Variants in EGLN1 observed in about 807,000 individuals in gnomAD.
EGLN1 encodes egl nine homolog 1.
In EGLN1, 17 loss-of-function variants were observed where a neutral mutation model predicts 38.3. The observed-to-expected ratio is 0.44, with a 90% CI of 0.30 to 0.67. The LOEUF is 0.67. Among genes scored for constraint, EGLN1 ranks in the 30% least tolerant of loss-of-function variants. The pLI is 0.08. For synonymous variants in EGLN1, 283 were observed against 257.5 expected, an observed-to-expected ratio of 1.10 and a Z score of -0.95; for missense variants, 477 against 603.3, an observed-to-expected ratio of 0.79 and a Z score of 2.19.
intron 1 of EGLN1, among the ~76,000 whole-genome samples, chr1:231,407,101 G>A (rs920176155): frequency 6.6e-6 from 1 of 152,096 alleles, no homozygotes; most frequent in African/African-American, 2.4e-5. Flanking sequence ...AAACTGGCAG[G>A]TCAAACTGCC....
In EGLN1 at chr1:231,421,178, G is replaced by A. The variant is rs989866111; in HGVS notation, c.711C>T (p.Asp237=). ...RALHDTGKFT[D]GQLVSQKSDS... ...CACTCTTCTGGCTGACCAGCTGCCC[G>A]TCCGTGAACTTCCCGGTGTCGTGCA... The change falls in exon 1 of 5, where the codon GAC becomes GAT. Residue 237 remains aspartate (D), a synonymous_variant. Coordinates refer to ENST00000366641, the MANE Select transcript of EGLN1 (RefSeq NM_022051.3). The surrounding 1 kb of genome is among the most constrained non-coding windows in gnomAD (Gnocchi z 5.5). 8 of 1,614,050 alleles carry A rather than the reference G, an allele frequency of 5.0e-6. No individual in the cohort carries two copies. Among genetic ancestry groups the A allele is most frequent in the Admixed American group, 3.3e-5 (2 of 60,010 alleles).
rs574674763 is a variant in EGLN1 at position 231,406,443 on chromosome 1, T to C, written c.891+14555A>G. ...CTCCAGAGAAGACATTATCACTATA[T>C]GGTAGTTTCCATCCTGGTATATACC... is the stretch of plus-strand genomic sequence containing the variant. On this transcript the variant is annotated intron_variant, in intron 1 of 4. Coordinates refer to ENST00000366641, the MANE Select transcript of EGLN1 (RefSeq NM_022051.3). 1.9e-4 allele frequency among the ~76,000 whole-genome samples: 29 copies of C among 152,200 alleles called. No homozygotes were observed. In the East Asian group the frequency reaches 5.5e-3, roughly 29 times the overall value.
rs1174601583 is a variant in EGLN1, at chr1:231,365,240, A to T, written c.*1171T>A. The T allele has an allele frequency of 6.6e-6, 1 of 152,210 alleles. No individual in the cohort carries two copies. The highest frequency in any genetic ancestry group is 2.4e-5 in the African/African-American group (1 of 41,446). The allele number at this position is 152,210 out of a possible 1,614,324, so 9.4% of individuals were successfully genotyped here. A position where few individuals can be genotyped will look rare whatever the true frequency, so the allele number is the denominator to read the frequency against. On this transcript the variant is annotated 3_prime_UTR_variant, in exon 5 of 5. Transcript: ENST00000366641. ...ATCACAGTATTAGGAAAAAAACATA[A>T]CAGCAAATTTGGAAGTACAATCAAT...
chr1:231,376,440 A>C (rs1687959641), intron 1 of EGLN1, among the ~76,000 whole-genome samples: 2 of 152,226 alleles, frequency 1.3e-5, no homozygotes, highest in Non-Finnish European at 2.9e-5. Flanking sequence ...CCAAAGTGCA[A>C]GAGTAGCGAT....
rs763284659 is a variant in EGLN1, at chr1:231,391,092, TTGTGTGTGTGTGTGTG to T, written c.892-17009_892-16994del. On this transcript the variant is annotated intron_variant, in intron 1 of 4. Coordinates refer to ENST00000366641, the MANE Select transcript of EGLN1 (RefSeq NM_022051.3). ...ACAGGGAACTCATTCTGTTTTTTTT[TTGTGTGTGTGTGTGTG>T]TGTGTGTGTGTGTGTGTGTGTGTGT... Among the ~76,000 whole-genome samples the T allele has an allele frequency of 1.6e-4, 11 of 67,366 alleles. No homozygotes were observed. In the South Asian group the frequency reaches 4.4e-3, roughly 27 times the overall value. The allele number at this position is 67,366 out of a possible 152,430, so 44.2% of individuals were successfully genotyped here.
chr1:231,391,143 A>G (rs1688372291), intron 1 of EGLN1, among the ~76,000 whole-genome samples: 2 of 147,966 alleles, frequency 1.4e-5, no homozygotes, highest in African/African-American at 5.2e-5. Flanking sequence ...TGAGACAGGG[A>G]ACTCATTCTG....
intron 1 of EGLN1, among the ~76,000 whole-genome samples, chr1:231,402,680 C>T (rs990672547): frequency 4.6e-5 from 7 of 152,062 alleles, no homozygotes; most frequent in Admixed American, 6.6e-5. Context: ...AGTGATCTGC[C>T]GGCCTCGGCC....
At chr1:231,408,704 A>C (rs1487359428) in intron 1 of EGLN1, among the ~76,000 whole-genome samples, 1 of 152,136 alleles carries the variant, frequency 6.6e-6, no homozygotes, top group Admixed American at 6.5e-5. Flanking sequence ...CAAGTGGCTC[A>C]CTATAGTAGA....
intron 1 of EGLN1, among the ~76,000 whole-genome samples, chr1:231,391,720 G>A (rs1457163806): frequency 6.6e-6 from 1 of 151,918 alleles, no homozygotes; most frequent in African/African-American, 2.4e-5. Context: ...GACAACCTCA[G>A]AATAAATTAT....
In EGLN1 at chr1:231,367,573, T is replaced by C; in HGVS notation, c.1212A>G (p.Leu404=). 1 of 1,614,066 alleles carries C rather than the reference T, an allele frequency of 6.2e-7. No individual in the cohort carries two copies. Among genetic ancestry groups the C allele is most frequent in the African/African-American group, 1.3e-5 (1 of 75,058 alleles). ...DERARAKVKY[L]TGEKGVRVEL... ...CTGGCCCCAAATGACGTTTACCTGTTAGATATTTTACTTTAGCTCGTGCTC... is the reference window on the plus strand; with the variant it reads ...CTGGCCCCAAATGACGTTTACCTGTCAGATATTTTACTTTAGCTCGTGCTC... The change falls in exon 4 of 5, where the codon CTA becomes CTG. Residue 404 remains leucine, a synonymous_variant. Transcript: ENST00000366641.
At chr1:231,412,864 CT>C (rs1261286091) in intron 1 of EGLN1, among the ~76,000 whole-genome samples, 1 of 152,144 alleles carries the variant, frequency 6.6e-6, no homozygotes, top group Admixed American at 6.6e-5. Flanking sequence ...CAATAATTTC[CT>C]TCCAATCGCT....
At chr1:231,388,352 G>A (rs1340630198) in intron 1 of EGLN1, among the ~76,000 whole-genome samples, 1 of 152,092 alleles carries the variant, frequency 6.6e-6, no homozygotes, top group African/African-American at 2.4e-5. Flanking sequence ...TTGATAAGAC[G>A]GTGAAATGTG....
At position 231,421,270 on chromosome 1, in the gene EGLN1, T is replaced by C. The variant is rs760962608; in HGVS notation, c.619A>G (p.Ile207Val). The change falls in exon 1 of 5, where the codon ATC becomes GTC. Residue 207 changes from isoleucine (I) to valine (V), a missense_variant. Ile to Val is a conservative substitution (Grantham distance 29, BLOSUM62 3). Around this residue, in one of 4 missense-constraint regions of EGLN1, gnomAD observed 119 missense variants for 179.0 expected, o/e 0.66. Coordinates refer to ENST00000366641, the MANE Select transcript of EGLN1 (RefSeq NM_022051.3). This position sits in a 1 kb window ranked among gnomAD's most constrained non-coding sequence, Gnocchi z 5.5. ...CCGAGGAAGTCGTCCACCACACAGA[T>C]GCCGTGCTTGTTCATGCACGGCACG... ...YIVPCMNKHG[I>V]CVVDDFLGKE... is the part of the protein sequence containing the mutation. The C allele has an allele frequency of 1.2e-6, 2 of 1,613,520 alleles. No individual in the cohort carries two copies. The highest frequency in any genetic ancestry group is 1.7e-6 in the Non-Finnish European group (2 of 1,179,966).
chr1:231,417,525 CA>C (rs1689115802), intron 1 of EGLN1, among the ~76,000 whole-genome samples: 1 of 152,110 alleles, frequency 6.6e-6, no homozygotes, highest in Non-Finnish European at 1.5e-5. Context: ...CACAAAACAG[CA>C]GACCATGGTT....
chr1:231,389,723 C>A (rs968648473), intron 1 of EGLN1, among the ~76,000 whole-genome samples: 1 of 152,056 alleles, frequency 6.6e-6, no homozygotes, highest in Non-Finnish European at 1.5e-5. Flanking sequence ...CCGAGGCAGG[C>A]GGGTCACGAG....
At chr1:231,373,886 T>C in intron 2 of EGLN1, 94 bp downstream of exon 2, 9 of 1,454,984 alleles carry the variant, frequency 6.2e-6, no homozygotes, top group Non-Finnish European at 8.6e-6. Context: ...TTTTTAACTG[T>C]GTCTGTGACA....
At chr1:231,411,916 T>G (rs1306729249) in intron 1 of EGLN1, among the ~76,000 whole-genome samples, 1 of 145,950 alleles carries the variant, frequency 6.9e-6, no homozygotes, top group Non-Finnish European at 1.5e-5. Context: ...GGAGAATCAC[T>G]TGAACCCAGA....
At position 231,365,085 on chromosome 1, in the gene EGLN1, A is replaced by G. The variant is rs1315144793; in HGVS notation, c.*1326T>C. 1.3e-5 allele frequency: 2 copies of G among 152,250 alleles called. No homozygotes were observed. The highest frequency in any genetic ancestry group is 2.9e-5 in the Non-Finnish European group (2 of 68,046). The allele number at this position is 152,250 out of a possible 1,614,324, so 9.4% of individuals were successfully genotyped here. A position where few individuals can be genotyped will look rare whatever the true frequency, so the allele number is the denominator to read the frequency against. Reference sequence around the variant, plus strand: ...AGAAGGCTGGCATCACATCTGGGAAATGCCTTAACAGATATCTGAGGAGTT... The same window carrying G: ...AGAAGGCTGGCATCACATCTGGGAAGTGCCTTAACAGATATCTGAGGAGTT... On this transcript the variant is annotated 3_prime_UTR_variant, in exon 5 of 5. Transcript: ENST00000366641.
intron 1 of EGLN1, among the ~76,000 whole-genome samples, chr1:231,418,104 T>C (rs1458523273): frequency 1.3e-5 from 2 of 151,814 alleles, no homozygotes; most frequent in Non-Finnish European, 2.9e-5. Context: ...ACTATAATGT[T>C]ATGAAGGATA....
Sources: gnomAD v4.1 joint callset for allele counts (sites outside exome capture counted in the v4.1 genomes callset) on GRCh38, gnomAD v4.1.1 for gene constraint, gnomAD v4.1.1 regional missense constraint, Gnocchi (gnomAD v3.1) non-coding constraint, MANE v1.5 for transcripts, NCBI Gene and HGNC (gene_info 2026-07-23, HGNC 2026-07-21) for gene names.